The following DNAAF9 variants were observed in gnomAD, a reference collection of about 807,000 sequenced individuals.
DNAAF9 encodes dynein axonemal assembly factor 9.
Under a neutral mutation model 167.0 loss-of-function variants are expected in DNAAF9, and 90 were observed. That is an observed-to-expected ratio of 0.54 (90% CI 0.45 to 0.64). The LOEUF (loss-of-function observed/expected upper bound fraction) is 0.64, where lower values mean the gene tolerates loss of function less well. Among genes scored for constraint, DNAAF9 ranks in the 30% least tolerant of loss-of-function variants. DNAAF9 has a pLI of 0.00. For synonymous variants in DNAAF9, 491 were observed against 508.8 expected, an observed-to-expected ratio of 0.96 and a Z score of 0.47; for missense variants, 1,315 against 1,442.2, an observed-to-expected ratio of 0.91 and a Z score of 1.43.
At chr20:3,346,370 CTGTT>C (rs1251892393) in intron 8 of DNAAF9, among the ~76,000 whole-genome samples, 1 of 152,176 alleles carries the variant, frequency 6.6e-6, no homozygotes. Context: ...TACTATGACT[CTGTT>C]TGTAATGGCA....
chr20:3,265,727 G>C (rs1317205052), intron 30 of DNAAF9, among the ~76,000 whole-genome samples: 1 of 148,756 alleles, frequency 6.7e-6, no homozygotes, highest in African/African-American at 2.5e-5. Flanking sequence ...GCCCAGGCTG[G>C]AGTGAAATGG....
intron 33 of DNAAF9, among the ~76,000 whole-genome samples, chr20:3,257,864 A>G (rs568068415): frequency 4.1e-4 from 62 of 152,178 alleles, no homozygotes; most frequent in African/African-American, 1.5e-3. Flanking sequence ...GGTGTCCTAC[A>G]GTAGGTGGGT....
At position 3,361,041 on chromosome 20, in the gene DNAAF9, G is replaced by A. The variant is rs1173470624; in HGVS notation, c.613-1448C>T. On this transcript the variant is annotated intron_variant, in intron 6 of 36. Coordinates refer to ENST00000252032, the MANE Select transcript of DNAAF9 (RefSeq NM_001009984.3). Reference sequence around the variant, plus strand: ...AATATTCATTTCCCAGGCTGGTGGAGAGTGAATAAGTATGGTTACAAAATT... The same window carrying A: ...AATATTCATTTCCCAGGCTGGTGGAAAGTGAATAAGTATGGTTACAAAATT... Among the ~76,000 whole-genome samples the A allele has an allele frequency of 3.3e-5, 5 of 152,310 alleles. No individual in the cohort carries two copies. The East Asian group carries it at 9.6e-4, about 29-fold the overall frequency.
chr20:3,356,031 T>C (rs1453860174), intron 7 of DNAAF9, among the ~76,000 whole-genome samples: 3 of 152,224 alleles, frequency 2.0e-5, no homozygotes, highest in African/African-American at 7.2e-5. Context: ...TCTGAACTTT[T>C]ATTTATTTTT....
chr20:3,404,889 C>A (rs963055550), intron 1 of DNAAF9, among the ~76,000 whole-genome samples: 14 of 152,122 alleles, frequency 9.2e-5, no homozygotes, highest in African/African-American at 3.1e-4. Flanking sequence ...GTCCAAAATC[C>A]CGGTGGTGTT....
chr20:3,327,866 A>C (rs1374160813), intron 12 of DNAAF9, among the ~76,000 whole-genome samples: 2 of 152,160 alleles, frequency 1.3e-5, no homozygotes, highest in African/African-American at 4.8e-5. Context: ...ACATATCCTG[A>C]AGACTTCTGG....
intron 6 of DNAAF9, among the ~76,000 whole-genome samples, chr20:3,373,812 TG>T (rs1310920487): frequency 6.6e-6 from 1 of 152,040 alleles, no homozygotes; most frequent in Non-Finnish European, 1.5e-5. Flanking sequence ...CAGCTGAGAA[TG>T]GGGTAAGGGA....
At chr20:3,387,884 T>TAAAAAAAAAAAA (rs557861791) in intron 1 of DNAAF9, among the ~76,000 whole-genome samples, 26 of 87,368 alleles carry the variant, frequency 3.0e-4, no homozygotes, top group African/African-American at 4.8e-4. Flanking sequence ...CTACAAAAAG[T>TAAAAAAAAAAAA]AAAAAAAAAA....
intron 1 of DNAAF9, among the ~76,000 whole-genome samples, chr20:3,399,460 G>A (rs2083954271): frequency 6.6e-6 from 1 of 151,954 alleles, no homozygotes; most frequent in Non-Finnish European, 1.5e-5. Flanking sequence ...CGCCCGCCTC[G>A]GCCTCCCAAA....
intron 1 of DNAAF9, 106 bp downstream of exon 1, chr20:3,407,369 C>A: frequency 1.0e-6 from 1 of 969,284 alleles, no homozygotes; most frequent in Non-Finnish European, 1.3e-6. Context: ...AAGAACCGTC[C>A]CGAGGAAGCC....
intron 36 of DNAAF9, 95 bp downstream of exon 36, chr20:3,253,631 A>T (rs2068229668): frequency 1.3e-6 from 1 of 778,588 alleles, no homozygotes. Flanking sequence ...GCTCAAATGC[A>T]TGGCTCTGGC....
chr20:3,290,772 C>T (rs530561613), intron 25 of DNAAF9, among the ~76,000 whole-genome samples: 2 of 148,198 alleles, frequency 1.3e-5, no homozygotes, highest in East Asian at 2.0e-4. Context: ...CCAAGTCACA[C>T]GGTCAGGGCT....
chr20:3,295,865 A>T, intron 23 of DNAAF9: 1 of 1,047,100 alleles, frequency 9.6e-7, no homozygotes, highest in Non-Finnish European at 1.5e-6. Flanking sequence ...GACATCCTTT[A>T]ATGTTCTCAT....
At position 3,270,587 on chromosome 20, in the gene DNAAF9, T is replaced by C. The variant is rs371845402; in HGVS notation, c.2651-25A>G. 16 of 1,610,164 alleles carry C rather than the reference T, an allele frequency of 9.9e-6. No individual in the cohort carries two copies. In the African/African-American group the frequency reaches 2.0e-4, roughly 20 times the overall value. ...CCTGGGAATAAAACCAAGGACAGTT[T>C]AGCCTTCACAGTCCTGGTTAGGGGT... On this transcript the variant is annotated intron_variant, in intron 29 of 36. Transcript: ENST00000252032.
intron 6 of DNAAF9, among the ~76,000 whole-genome samples, chr20:3,362,762 T>G (rs2083380272): frequency 6.6e-6 from 1 of 152,196 alleles, no homozygotes; most frequent in Non-Finnish European, 1.5e-5. Context: ...GACTTAAACA[T>G]ATCAGAAATT....
rs912123419 is a variant in DNAAF9, at chr20:3,270,416, C to A, written c.2786+11G>T. On this transcript the variant is annotated intron_variant, in intron 30 of 36. Transcript: ENST00000252032. ...AAGCAACTGGTCTTGCAGAGTGAAT[C>A]TATAGATTACCTGGTGACAATCCCA... 1.8e-5 allele frequency: 29 copies of A among 1,612,964 alleles called. No individual in the cohort carries two copies. Among genetic ancestry groups the A allele is most frequent in the Non-Finnish European group, 2.5e-5 (29 of 1,179,224 alleles).
chr20:3,340,202 A>C (rs1455557155), intron 10 of DNAAF9, among the ~76,000 whole-genome samples: 1 of 152,196 alleles, frequency 6.6e-6, no homozygotes, highest in Non-Finnish European at 1.5e-5. Flanking sequence ...TGAATTTTAA[A>C]AATTCTATTG....
chr20:3,395,588 T>C (rs1281925623), intron 1 of DNAAF9, among the ~76,000 whole-genome samples: 1 of 152,050 alleles, frequency 6.6e-6, no homozygotes, highest in Non-Finnish European at 1.5e-5. Context: ...CCTGAACATT[T>C]TGTCTTTCAG....
intron 1 of DNAAF9, among the ~76,000 whole-genome samples, chr20:3,403,593 C>T (rs2084017267): frequency 6.7e-6 from 1 of 150,314 alleles, no homozygotes; most frequent in Non-Finnish European, 1.5e-5. Context: ...GCAAGTGTCA[C>T]TTCTCTTTAA....
Sources: allele counts gnomAD v4.1 joint callset (sites outside exome capture counted in the v4.1 genomes callset), GRCh38; gene constraint gnomAD v4.1.1; transcripts MANE v1.5; gene names NCBI Gene and HGNC (gene_info 2026-07-23, HGNC 2026-07-21).